CACNA1C: variants seen among roughly 807,000 people sequenced by gnomAD.
The protein encoded by CACNA1C is voltage-dependent L-type calcium channel subunit alpha-1C.
In CACNA1C, 30 loss-of-function variants were observed where a neutral mutation model predicts 229.0. The ratio of observed to expected loss-of-function variants is 0.13; its 90% confidence interval spans 0.10 to 0.18. The LOEUF is 0.18. Among genes scored for constraint, CACNA1C ranks in the 10% least tolerant of loss-of-function variants. CACNA1C has a pLI of 1.00. For missense variants in CACNA1C, 1,658 were observed against 2,845.0 expected, an observed-to-expected ratio of 0.58 and a Z score of 9.49; for synonymous variants, 1,114 against 1,132.5, an observed-to-expected ratio of 0.98 and a Z score of 0.33.
chr12:2,333,714 A>G (rs1377235073), intron 3 of CACNA1C, among the ~76,000 whole-genome samples: 1 of 152,158 alleles, frequency 6.6e-6, no homozygotes, highest in African/African-American at 2.4e-5. Flanking sequence ...AGCAAGAGTG[A>G]ATCAACACAA....
At position 2,688,924 on chromosome 12, in the gene CACNA1C, C is replaced by A. The variant is rs1018932954; in HGVS notation, c.6117+145C>A. The A allele has an allele frequency of 5.7e-6, 4 of 706,206 alleles. No individual in the cohort carries two copies. The Admixed American group carries it at 1.2e-4, about 21-fold the overall frequency. 43.7% of individuals were successfully genotyped at this position (706,206 alleles called of 1,614,324 possible). On this transcript the variant is annotated intron_variant, in intron 46 of 46. Transcript: ENST00000399655. ...CGAAAGACCCTCCCTCTCAGGGCTGCAGGAGGGCTCGTGTGCGGAAAGCCA... is the reference window on the plus strand; with the variant it reads ...CGAAAGACCCTCCCTCTCAGGGCTGAAGGAGGGCTCGTGTGCGGAAAGCCA...
Position 2,677,028 on chromosome 12 carries a change from T to A in CACNA1C, c.4829-66T>A, listed in dbSNP as rs975886664. ...AAGTTTTGGATGCTGAAAAAAAAAATGAATGAAGTTCAACTGAATTCCCCT... is the reference window on the plus strand; with the variant it reads ...AAGTTTTGGATGCTGAAAAAAAAAAAGAATGAAGTTCAACTGAATTCCCCT... On this transcript the variant is annotated intron_variant, in intron 39 of 46. Coordinates refer to ENST00000399655, the MANE Select transcript of CACNA1C (RefSeq NM_000719.7). The surrounding 1 kb of genome is among the most constrained non-coding windows in gnomAD (Gnocchi z 7.4). 1 of 1,354,624 alleles carries A rather than the reference T, an allele frequency of 7.4e-7. No individual in the cohort carries two copies. Among genetic ancestry groups the A allele is most frequent in the Non-Finnish European group, 1.0e-6 (1 of 972,496 alleles). 83.9% of individuals were successfully genotyped at this position (1,354,624 alleles called of 1,614,324 possible). A position where few individuals can be genotyped will look rare whatever the true frequency, so the allele number is the denominator to read the frequency against.
intron 1 of CACNA1C, among the ~76,000 whole-genome samples, chr12:2,061,833 G>A (rs2057632908): frequency 2.0e-5 from 3 of 152,100 alleles, no homozygotes; most frequent in Non-Finnish European, 2.9e-5. Flanking sequence ...AGGACGGGCT[G>A]GAAAATAAAA....
chr12:2,616,650 C>T (rs1159172755), intron 29 of CACNA1C, among the ~76,000 whole-genome samples: 2 of 152,276 alleles, frequency 1.3e-5, no homozygotes, highest in Non-Finnish European at 2.9e-5. Context: ...ACACTCTTTT[C>T]CACAGTCGAT....
At chr12:2,615,028 T>C (rs2079751539) in intron 29 of CACNA1C, 1 of 151,168 alleles carries the variant, frequency 6.6e-6, no homozygotes, top group South Asian at 2.1e-4. Flanking sequence ...CCAGTTTAGA[T>C]TGAGTCGGTC....
In CACNA1C at chr12:2,696,598, T is replaced by C. The variant is rs779194497; in HGVS notation, c.*5399T>C. ...ACTCATGCACCTCAAACCAAGGTCATTATCCAAAAAAAAAAAAAAAAAGCT... is the reference window on the plus strand; with the variant it reads ...ACTCATGCACCTCAAACCAAGGTCACTATCCAAAAAAAAAAAAAAAAAGCT... On this transcript the variant is annotated 3_prime_UTR_variant, in exon 47 of 47. Coordinates refer to ENST00000399655, the MANE Select transcript of CACNA1C (RefSeq NM_000719.7). The C allele has an allele frequency of 2.8e-4, 39 of 138,968 alleles. No individual in the cohort carries two copies. Among genetic ancestry groups the C allele is most frequent in the Non-Finnish European group, 4.3e-4 (29 of 67,144 alleles). The allele number at this position is 138,968 out of a possible 1,614,324, so 8.6% of individuals were successfully genotyped here. A position where few individuals can be genotyped will look rare whatever the true frequency, so the allele number is the denominator to read the frequency against.
At chr12:2,252,360 T>G (rs928621701) in intron 3 of CACNA1C, among the ~76,000 whole-genome samples, 4 of 152,136 alleles carry the variant, frequency 2.6e-5, no homozygotes, top group Non-Finnish European at 1.5e-5. Flanking sequence ...CTGGCCACAG[T>G]CAAAGGCTTC....
intron 3 of CACNA1C, among the ~76,000 whole-genome samples, chr12:2,250,103 C>T (rs1359638945): frequency 6.6e-6 from 1 of 151,784 alleles, no homozygotes; most frequent in East Asian, 2.0e-4. Flanking sequence ...CCACTGCACC[C>T]GGCCTGCCTT....
chr12:2,142,279 C>A lies in CACNA1C; in HGVS notation c.477+21849C>A, dbSNP rs118025573. ...CGATGGTAGTCCCATAAAACTATCA[C>A]GGAGCCGAAACCTCCCTATCTTTCT... On this transcript the variant is annotated intron_variant, in intron 3 of 46. Transcript: ENST00000399655. Among the ~76,000 whole-genome samples, 4 of 151,096 alleles carry A rather than the reference C, an allele frequency of 2.6e-5. No homozygotes were observed. The East Asian group carries it at 7.7e-4, about 29-fold the overall frequency.
chr12:2,531,274 G>A (rs1486578615), intron 9 of CACNA1C, among the ~76,000 whole-genome samples: 1 of 152,182 alleles, frequency 6.6e-6, no homozygotes, highest in Non-Finnish European at 1.5e-5. Flanking sequence ...TGTCAGAGAG[G>A]CAAGCACATG....
At position 2,541,082 on chromosome 12, in the gene CACNA1C, C is replaced by T. The variant is rs183794665; in HGVS notation, c.1391-8861C>T. Among the ~76,000 whole-genome samples, 37 of 152,234 alleles carry T rather than the reference C, an allele frequency of 2.4e-4. No individual in the cohort carries two copies. The East Asian group carries it at 6.0e-3, about 25-fold the overall frequency. ...GTACCTGTCAGTGGCCACAGTTGTT[C>T]TGCTTATAAGGATCCGGTCACACTG... On this transcript the variant is annotated intron_variant, in intron 9 of 46. Coordinates refer to ENST00000399655, the MANE Select transcript of CACNA1C (RefSeq NM_000719.7).
intron 25 of CACNA1C, 79 bp downstream of exon 25, chr12:2,606,742 C>T (rs1180663636): frequency 7.6e-7 from 1 of 1,312,982 alleles, no homozygotes; most frequent in Non-Finnish European, 1.1e-6. Flanking sequence ...AAAGGAGGGA[C>T]AGCTCATTTT....
rs147362161 is a variant in CACNA1C, at chr12:2,038,392, A to G, written c.139+67191A>G. 5.6e-3 allele frequency among the ~76,000 whole-genome samples: 858 copies of G among 152,276 alleles called. 13 individuals carry two copies. Among genetic ancestry groups the G allele is most frequent in the South Asian group, 0.035 (169 of 4,822 alleles). On this transcript the variant is annotated intron_variant, in intron 1 of 46. Transcript: ENST00000682462. Reference sequence around the variant, plus strand: ...ATGTGGGTGACTACTTAATCCGACTATGTAACAGACTGGACCCCCAAGCTT... The same window carrying G: ...ATGTGGGTGACTACTTAATCCGACTGTGTAACAGACTGGACCCCCAAGCTT...
intron 9 of CACNA1C, among the ~76,000 whole-genome samples, chr12:2,534,747 G>A (rs536975121): frequency 4.6e-5 from 7 of 152,350 alleles, no homozygotes; most frequent in Non-Finnish European, 7.3e-5. Flanking sequence ...TTAGTGCAGT[G>A]CCCTCTAAAA....
intron 30 of CACNA1C, among the ~76,000 whole-genome samples, chr12:2,637,035 G>T (rs1393710356): frequency 6.6e-6 from 1 of 152,186 alleles, no homozygotes; most frequent in Non-Finnish European, 1.5e-5. Flanking sequence ...CCACACAACT[G>T]ATGGCTTCCG....
intron 38 of CACNA1C, among the ~76,000 whole-genome samples, chr12:2,673,398 G>A (rs958668560): frequency 2.0e-5 from 3 of 151,340 alleles, no homozygotes; most frequent in Non-Finnish European, 2.9e-5. Flanking sequence ...CCCAGGAGGT[G>A]GAGGTTGCAG....
At chr12:2,174,629 CT>C (rs1210060468) in intron 3 of CACNA1C, among the ~76,000 whole-genome samples, 3 of 152,070 alleles carry the variant, frequency 2.0e-5, no homozygotes, top group African/African-American at 7.2e-5. Context: ...ACAGTTTACC[CT>C]TGAACAACAT....
Position 2,467,767 on chromosome 12 carries a change from C to G in CACNA1C, c.757+10061C>G, listed in dbSNP as rs1480458767. 6.6e-6 allele frequency among the ~76,000 whole-genome samples: 1 copy of G among 152,174 alleles called. No individual in the cohort carries two copies. The highest frequency in any genetic ancestry group is 1.5e-5 in the Non-Finnish European group (1 of 68,032). ...CGGTCTTTCCCCTTGACTGCTGCAT[C>G]CCCAGTTAAGCAACTCTCTTCCCGG... On this transcript the variant is annotated intron_variant, in intron 5 of 46. Coordinates refer to ENST00000399655, the MANE Select transcript of CACNA1C (RefSeq NM_000719.7). This position sits in a 1 kb window ranked among gnomAD's most constrained non-coding sequence, Gnocchi z 4.6.
chr12:2,405,056 C>T (rs562243143), intron 3 of CACNA1C, among the ~76,000 whole-genome samples: 11 of 152,256 alleles, frequency 7.2e-5, no homozygotes, highest in South Asian at 4.1e-4. Flanking sequence ...TAGACTCCTT[C>T]GAGGATAACT....
Sources: allele counts gnomAD v4.1 joint callset (sites outside exome capture counted in the v4.1 genomes callset), GRCh38; gene constraint gnomAD v4.1.1; non-coding constraint Gnocchi (gnomAD v3.1); transcripts MANE v1.5; gene names NCBI Gene and HGNC (gene_info 2026-07-23, HGNC 2026-07-21).